Variants in SOX5 observed in about 807,000 individuals in gnomAD.
SOX5 encodes SRY-box transcription factor 5.
A neutral mutation model predicts 92.0 loss-of-function variants in SOX5; 9 were observed. The observed-to-expected ratio is 0.10, with a 90% CI of 0.06 to 0.17. The LOEUF is 0.17. Ranked by LOEUF, SOX5 falls within the 10% of genes least tolerant of loss-of-function variation. SOX5 has a pLI of 1.00. For missense variants in SOX5, 642 were observed against 944.5 expected (o/e 0.68, Z 4.20); for synonymous variants, 344 against 336.3 (o/e 1.02, Z -0.25).
chr12:23,953,438 A>G (rs1280307260), upstream of SOX5, among the ~76,000 whole-genome samples: 1 of 152,066 alleles, frequency 6.6e-6, no homozygotes, highest in African/African-American at 2.4e-5. Context: ...TTACATCACA[A>G]CTAATACCGC....
chr12:24,126,906 C>G (rs1949158180), intron 4 of SOX5, among the ~76,000 whole-genome samples: 1 of 152,164 alleles, frequency 6.6e-6, no homozygotes, highest in African/African-American at 2.4e-5. Context: ...GAACTTTTCA[C>G]TTAACTACAT....
At chr12:24,018,182 C>A (rs978372070) in intron 4 of SOX5, among the ~76,000 whole-genome samples, 1 of 152,176 alleles carries the variant, frequency 6.6e-6, no homozygotes, top group African/African-American at 2.4e-5. Context: ...CTGACCACGT[C>A]CATTTCACAG....
At chr12:24,382,350 G>A (rs1015903559) in intron 1 of SOX5, among the ~76,000 whole-genome samples, 16 of 152,148 alleles carry the variant, frequency 1.1e-4, no homozygotes, top group South Asian at 2.1e-4. Context: ...GAGAGTTGGT[G>A]GCTTCCACCA....
chr12:23,892,203 G>A (rs531216421), intron 2 of SOX5, among the ~76,000 whole-genome samples: 116 of 152,242 alleles, frequency 7.6e-4, no homozygotes, highest in African/African-American at 2.5e-3. Flanking sequence ...TGCCTTGGGA[G>A]GTCAGTGAAA....
chr12:24,435,605 G>A (rs1939258780), intron 1 of SOX5, among the ~76,000 whole-genome samples: 1 of 152,120 alleles, frequency 6.6e-6, no homozygotes, highest in Non-Finnish European at 1.5e-5. Flanking sequence ...TACAAAAGAA[G>A]CAAATGAGCA....
At chr12:24,150,002 A>G (rs1951496266) in intron 4 of SOX5, among the ~76,000 whole-genome samples, 1 of 152,196 alleles carries the variant, frequency 6.6e-6, no homozygotes, top group South Asian at 2.1e-4. Context: ...TAGTGACAGA[A>G]AACAGATAGG....
chr12:23,602,546 A>G (rs2074646942), intron 9 of SOX5, among the ~76,000 whole-genome samples: 1 of 152,106 alleles, frequency 6.6e-6, no homozygotes, highest in Non-Finnish European at 1.5e-5. Context: ...ATGTAGGTGT[A>G]AGAAAAAAAT....
chr12:24,079,013 C>T (rs1942998068), intron 4 of SOX5, among the ~76,000 whole-genome samples: 1 of 151,802 alleles, frequency 6.6e-6, no homozygotes, highest in African/African-American at 2.4e-5. Context: ...ATTTTTTACA[C>T]CTGATGATAC....
chr12:24,192,609 C>G (rs1482403567), intron 4 of SOX5, among the ~76,000 whole-genome samples: 2 of 152,138 alleles, frequency 1.3e-5, no homozygotes, highest in Non-Finnish European at 2.9e-5. Context: ...TATTGCTTTT[C>G]AAAATCAAAG....
At chr12:23,946,234 A>G (rs1404873902) in intron 1 of SOX5, among the ~76,000 whole-genome samples, 1 of 152,086 alleles carries the variant, frequency 6.6e-6, no homozygotes, top group East Asian at 1.9e-4. Context: ...GGTGATACTA[A>G]CAACCTAATT....
At chr12:24,304,925 GT>G (rs113453634) in intron 2 of SOX5, among the ~76,000 whole-genome samples, 2 of 152,080 alleles carry the variant, frequency 1.3e-5, no homozygotes, top group African/African-American at 4.8e-5. Context: ...ACTTACTTCA[GT>G]TCCTCAGGAA....
At chr12:23,890,417 A>G (rs12319665) in intron 2 of SOX5, among the ~76,000 whole-genome samples, 2,856 of 152,296 alleles carry the variant, frequency 0.019, 91 homozygotes, top group African/African-American at 0.065. Context: ...TTTTATTTAA[A>G]AAAATGACAA....
chr12:24,167,330 G>C (rs1413441490), intron 4 of SOX5, among the ~76,000 whole-genome samples: 1 of 152,168 alleles, frequency 6.6e-6, no homozygotes, highest in East Asian at 1.9e-4. Flanking sequence ...ATTTAAGTTT[G>C]TTTAACTCAG....
intron 4 of SOX5, among the ~76,000 whole-genome samples, chr12:24,116,459 A>G (rs1385334673): frequency 6.6e-6 from 1 of 152,194 alleles, no homozygotes; most frequent in East Asian, 1.9e-4. Context: ...TGTTATATGC[A>G]AATATTTCTA....
At chr12:23,729,814 A>G (rs939814013) in intron 6 of SOX5, among the ~76,000 whole-genome samples, 4 of 152,220 alleles carry the variant, frequency 2.6e-5, no homozygotes, top group African/African-American at 9.6e-5. Context: ...ATTTCATGCT[A>G]GAACGCATTG....
chr12:23,976,687 C>T (rs577670679), intron 4 of SOX5, among the ~76,000 whole-genome samples: 2 of 152,224 alleles, frequency 1.3e-5, no homozygotes, highest in Admixed American at 6.5e-5. Context: ...CAGTAAGCAA[C>T]GTCATTATAC....
At chr12:23,666,382 C>T (rs2083808206) in intron 6 of SOX5, among the ~76,000 whole-genome samples, 1 of 152,078 alleles carries the variant, frequency 6.6e-6, no homozygotes, top group Admixed American at 6.6e-5. Context: ...ATAAATAATC[C>T]AGCACAATAG....
At chr12:24,469,213 T>G (rs1331101992) in intron 1 of SOX5, among the ~76,000 whole-genome samples, 3 of 151,984 alleles carry the variant, frequency 2.0e-5, no homozygotes, top group Non-Finnish European at 4.4e-5. Context: ...AGGGTCCAGG[T>G]TCCTATGAGA....
At chr12:23,701,126 T>G (rs2090573984) in intron 6 of SOX5, among the ~76,000 whole-genome samples, 1 of 152,044 alleles carries the variant, frequency 6.6e-6, no homozygotes, top group South Asian at 2.1e-4. Context: ...AAATTTGAGT[T>G]GGCTTATTTC....
Sources: allele counts gnomAD v4.1 joint callset (sites outside exome capture counted in the v4.1 genomes callset), GRCh38; gene constraint gnomAD v4.1.1; transcripts MANE v1.5; gene names NCBI Gene and HGNC (gene_info 2026-07-23, HGNC 2026-07-21).